Variants in LYRM1 observed in about 807,000 individuals in gnomAD.
The protein encoded by LYRM1 is LYR motif-containing protein 1.
A neutral mutation model predicts 14.9 loss-of-function variants in LYRM1; 14 were observed. The observed-to-expected ratio is 0.94, with a 90% CI of 0.62 to 1.47. The LOEUF is 1.47. Among genes scored for constraint, LYRM1 ranks in the 40% most tolerant of loss-of-function variants. The probability of loss-of-function intolerance (pLI) is 0.00; values close to 1 mark genes in which losing one functional copy is unlikely to be tolerated. For synonymous variants in LYRM1, 43 were observed against 56.2 expected (o/e 0.77, Z 1.05); for missense variants, 153 against 149.9 (o/e 1.02, Z -0.11).
At chr16:20,905,585 T>C (rs1446233430) in intron 1 of LYRM1, among the ~76,000 whole-genome samples, 2 of 152,148 alleles carry the variant, frequency 1.3e-5, no homozygotes, top group African/African-American at 2.4e-5. Flanking sequence ...CCCATGATCA[T>C]TGAGTATAGT....
Position 20,924,322 on chromosome 16 carries a change from G to A in LYRM1, c.*206G>A. The A allele has an allele frequency of 2.0e-6, 1 of 489,118 alleles. No individual in the cohort carries two copies. The allele number at this position is 489,118 out of a possible 1,614,324, so 30.3% of individuals were successfully genotyped here. A position where few individuals can be genotyped will look rare whatever the true frequency, so the allele number is the denominator to read the frequency against. Reference sequence around the variant, plus strand: ...TGAGTGGATGGCATTATCCCTAGAGGTCATGGACCTTACATCCTCACTGCA... The same window carrying A: ...TGAGTGGATGGCATTATCCCTAGAGATCATGGACCTTACATCCTCACTGCA... On this transcript the variant is annotated 3_prime_UTR_variant, in exon 4 of 4. Coordinates refer to ENST00000567954, the MANE Select transcript of LYRM1 (RefSeq NM_001128302.3).
intron 1 of LYRM1, among the ~76,000 whole-genome samples, chr16:20,903,083 G>C (rs1454315976): frequency 6.6e-6 from 1 of 152,212 alleles, no homozygotes; most frequent in East Asian, 1.9e-4. Context: ...CTGAGCTGAA[G>C]GGTTGGCCTA....
chr16:20,920,371 A>G (rs2083127724), intron 3 of LYRM1, 157 bp downstream of exon 3: 1 of 652,414 alleles, frequency 1.5e-6, no homozygotes, highest in Non-Finnish European at 2.8e-6. Context: ...CTGCCAGCCC[A>G]TCACAACAAA....
intron 3 of LYRM1, chr16:20,921,887 T>G (rs558990894): frequency 1.3e-5 from 2 of 152,198 alleles, no homozygotes; most frequent in Non-Finnish European, 2.9e-5. Context: ...TCTGTATTCA[T>G]GTACCTACAT....
intron 2 of LYRM1, among the ~76,000 whole-genome samples, chr16:20,918,980 T>G (rs1191953575): frequency 3.3e-5 from 5 of 152,212 alleles, no homozygotes; most frequent in Admixed American, 6.5e-5. Context: ...GGACCCAGAC[T>G]TTGCTGCGTG....
intron 1 of LYRM1, among the ~76,000 whole-genome samples, chr16:20,913,069 AAAT>A (rs34662196): frequency 0.49 from 71,037 of 144,890 alleles, 18,402 homozygotes; most frequent in East Asian, 0.85. Context: ...TCTGTCTCAA[AAAT>A]AATAATAATA....
chr16:20,916,067 TTTGTTG>T (rs150039228), intron 2 of LYRM1, among the ~76,000 whole-genome samples: 1 of 25,610 alleles, frequency 3.9e-5, no homozygotes, highest in African/African-American at 7.7e-5. Context: ...AAAGTGGTTT[TTTGTTG>T]TTGTTGTTGT....
intron 1 of LYRM1, among the ~76,000 whole-genome samples, chr16:20,911,632 T>A (rs982632843): frequency 1.3e-5 from 2 of 152,204 alleles, no homozygotes; most frequent in African/African-American, 4.8e-5. Context: ...CTGTACAATA[T>A]TCATTGTTCT....
At chr16:20,913,085 A>T (rs1165512610) in intron 1 of LYRM1, among the ~76,000 whole-genome samples, 5 of 149,746 alleles carry the variant, frequency 3.3e-5, no homozygotes, top group African/African-American at 1.2e-4. Context: ...TAATAATAAT[A>T]ATAATAATAA....
intron 1 of LYRM1, chr16:20,911,056 T>C (rs990782240): frequency 6.6e-6 from 1 of 152,214 alleles, no homozygotes; most frequent in Non-Finnish European, 1.5e-5. Context: ...TTTATTACAA[T>C]AAGCCACAAA....
At chr16:20,903,917 T>C (rs1287296553) in intron 1 of LYRM1, among the ~76,000 whole-genome samples, 1 of 151,874 alleles carries the variant, frequency 6.6e-6, no homozygotes, top group African/African-American at 2.4e-5. Context: ...TCTTGTGTTC[T>C]CAGACTTTTC....
chr16:20,903,966 TATGAATGAATGAATGA>T (rs66928042), intron 1 of LYRM1, among the ~76,000 whole-genome samples: 10 of 149,622 alleles, frequency 6.7e-5, no homozygotes, highest in South Asian at 2.1e-4. Flanking sequence ...GCTGGGGAGT[TATGAATGAATGAATGA>T]ATGAATGAAT....
intron 2 of LYRM1, 129 bp downstream of exon 2, chr16:20,915,843 G>T: frequency 1.0e-6 from 1 of 963,076 alleles, no homozygotes; most frequent in South Asian, 1.8e-5. Context: ...GGGCAGGAAG[G>T]GGCCAGTGCA....
chr16:20,911,983 C>T (rs934875562), intron 1 of LYRM1, among the ~76,000 whole-genome samples: 6 of 151,848 alleles, frequency 4.0e-5, no homozygotes, highest in Non-Finnish European at 7.4e-5. Context: ...AGTGCAGGGG[C>T]TCAGTCTTGG....
At chr16:20,914,065 C>G (rs2082738007) in intron 1 of LYRM1, among the ~76,000 whole-genome samples, 2 of 152,258 alleles carry the variant, frequency 1.3e-5, no homozygotes, top group Admixed American at 1.3e-4. Context: ...ACCTCAGCCT[C>G]CCAAAGTGCT....
chr16:20,917,053 TA>T (rs748728602), intron 2 of LYRM1, among the ~76,000 whole-genome samples: 6,329 of 122,830 alleles, frequency 0.052, 222 homozygotes, highest in African/African-American at 0.12. Context: ...CCCTGTCTCT[TA>T]AAAAAAAAAA....
At chr16:20,912,974 G>A (rs774876345) in intron 1 of LYRM1, among the ~76,000 whole-genome samples, 2 of 151,794 alleles carry the variant, frequency 1.3e-5, no homozygotes, top group Non-Finnish European at 2.9e-5. Context: ...GCTGAGTCAG[G>A]ATAATCACTT....
intron 1 of LYRM1, among the ~76,000 whole-genome samples, chr16:20,915,077 TGA>T (rs2082805073): frequency 6.6e-6 from 1 of 152,200 alleles, no homozygotes; most frequent in Admixed American, 6.5e-5. Flanking sequence ...CAAAGCCAGT[TGA>T]GAGATACGGT....
At chr16:20,907,664 A>G (rs1259800570) in intron 1 of LYRM1, among the ~76,000 whole-genome samples, 1 of 151,964 alleles carries the variant, frequency 6.6e-6, no homozygotes, top group African/African-American at 2.4e-5. Flanking sequence ...GCCCTGCCTC[A>G]TGTTCATCTT....
Sources: allele counts gnomAD v4.1 joint callset (sites outside exome capture counted in the v4.1 genomes callset), GRCh38; gene constraint gnomAD v4.1.1; transcripts MANE v1.5; gene names NCBI Gene and HGNC (gene_info 2026-07-23, HGNC 2026-07-21).